The following PTPRT variants were observed in gnomAD, a reference collection of about 807,000 sequenced individuals.
PTPRT encodes receptor-type tyrosine-protein phosphatase T.
In PTPRT, 56 loss-of-function variants were observed where a neutral mutation model predicts 176.8. The observed-to-expected ratio is 0.32, with a 90% CI of 0.26 to 0.40. PTPRT has a LOEUF of 0.40. PTPRT is among the 10% of genes least tolerant of loss of function. The pLI is 1.00. For synonymous variants in PTPRT, 783 were observed against 739.0 expected, an observed-to-expected ratio of 1.06 and a Z score of -0.96; for missense variants, 1,540 against 1,908.2, an observed-to-expected ratio of 0.81 and a Z score of 3.60.
chr20:42,955,855 AGGAGGGAGGGAGGGAG>A, intron 1 of PTPRT, among the ~76,000 whole-genome samples: 1 of 51,226 alleles, frequency 2.0e-5, no homozygotes, highest in African/African-American at 7.5e-5. Flanking sequence ...GGGAGGGAGA[AGGAGGGAGGGAGGGAG>A]GGAGGGAGGA....
intron 1 of PTPRT, among the ~76,000 whole-genome samples, chr20:42,979,338 C>G (rs987071395): frequency 1.3e-5 from 2 of 152,056 alleles, no homozygotes; most frequent in African/African-American, 4.8e-5. Flanking sequence ...TTGTTCTTTA[C>G]CTTTTTTGTA....
intron 7 of PTPRT, among the ~76,000 whole-genome samples, chr20:42,643,603 C>G (rs926675428): frequency 1.3e-5 from 2 of 152,054 alleles, no homozygotes; most frequent in Non-Finnish European, 2.9e-5. Context: ...AGGTGTGAGC[C>G]ACCATGCCCA....
chr20:42,260,285 G>A (rs759958194), intron 13 of PTPRT, among the ~76,000 whole-genome samples: 2 of 152,208 alleles, frequency 1.3e-5, no homozygotes, highest in Non-Finnish European at 2.9e-5. Context: ...GGGCCAGACT[G>A]TCCTGCTGAT....
At chr20:42,478,188 G>A (rs1260633334) in intron 7 of PTPRT, among the ~76,000 whole-genome samples, 1 of 152,188 alleles carries the variant, frequency 6.6e-6, no homozygotes, top group African/African-American at 2.4e-5. Flanking sequence ...GGCCCTTGTG[G>A]GGAGAGATGT....
chr20:42,987,893 C>T (rs895528947), intron 1 of PTPRT, among the ~76,000 whole-genome samples: 2 of 152,196 alleles, frequency 1.3e-5, no homozygotes, highest in Non-Finnish European at 2.9e-5. Context: ...CCTCCATGCT[C>T]ACACATGTGG....
At chr20:42,359,861 C>T (rs34365449) in intron 9 of PTPRT, among the ~76,000 whole-genome samples, 66,235 of 152,122 alleles carry the variant, frequency 0.44, 14,806 homozygotes, top group Middle Eastern at 0.49. Context: ...GCCGTATCAG[C>T]CCTGCTGCGG....
intron 7 of PTPRT, among the ~76,000 whole-genome samples, chr20:42,522,231 A>G (rs2072189785): frequency 6.7e-6 from 1 of 149,886 alleles, no homozygotes; most frequent in South Asian, 2.2e-4. Context: ...TGGTTGTGTG[A>G]ATTTATTCGT....
chr20:42,334,028 C>T lies in PTPRT; in HGVS notation c.1865+16600G>A, dbSNP rs1265473865. On this transcript the variant is annotated intron_variant, in intron 11 of 30. Coordinates refer to ENST00000373187, the MANE Select transcript of PTPRT (RefSeq NM_007050.6). The stretch of plus-strand genomic sequence containing the variant: ...TACAGTAAACATTGATAGACAAAAC[C>T]CACATAAACAAAAGTTCTTTGATGC... Among the ~76,000 whole-genome samples, 4 of 152,208 alleles carry T rather than the reference C, an allele frequency of 2.6e-5. No homozygotes were observed. In the South Asian group the frequency reaches 8.3e-4, roughly 32 times the overall value.
At chr20:42,203,027 A>T (rs1276662982) in intron 15 of PTPRT, among the ~76,000 whole-genome samples, 1 of 152,234 alleles carries the variant, frequency 6.6e-6, no homozygotes, top group Non-Finnish European at 1.5e-5. Flanking sequence ...TAAAAATATC[A>T]GATATATTAC....
chr20:42,878,093 T>C (rs1316374497), intron 2 of PTPRT, among the ~76,000 whole-genome samples: 1 of 152,178 alleles, frequency 6.6e-6, no homozygotes, highest in Non-Finnish European at 1.5e-5. Flanking sequence ...TATATACATA[T>C]GAAAACAAAT....
chr20:43,030,978 G>T (rs1422170187), intron 1 of PTPRT, among the ~76,000 whole-genome samples: 3 of 152,200 alleles, frequency 2.0e-5, no homozygotes, highest in Non-Finnish European at 4.4e-5. Context: ...AGGAGTGAAG[G>T]ATGCAGGATG....
intron 1 of PTPRT, among the ~76,000 whole-genome samples, chr20:43,075,382 C>CG (rs1380734874): frequency 2.6e-5 from 4 of 152,264 alleles, no homozygotes; most frequent in Admixed American, 1.3e-4. Context: ...CTCCGCAGAG[C>CG]GCTGGAATGA....
At chr20:42,088,346 AC>A (rs1984239164) in intron 27 of PTPRT, among the ~76,000 whole-genome samples, 1 of 152,202 alleles carries the variant, frequency 6.6e-6, no homozygotes, top group African/African-American at 2.4e-5. Context: ...CCCACCCCCT[AC>A]AGATGCAGGG....
intron 15 of PTPRT, among the ~76,000 whole-genome samples, chr20:42,208,135 G>T (rs2055521246): frequency 7.9e-6 from 1 of 126,704 alleles, no homozygotes; most frequent in Non-Finnish European, 1.6e-5. Context: ...AAGAGCTCCT[G>T]AAGGAAGCGC....
intron 12 of PTPRT, among the ~76,000 whole-genome samples, chr20:42,309,962 T>C (rs575660999): frequency 6.6e-6 from 1 of 152,292 alleles, no homozygotes; most frequent in South Asian, 2.1e-4. Context: ...TGAGTGCTGG[T>C]GGGTGGTTCT....
At chr20:43,036,069 A>G (rs1986365353) in intron 1 of PTPRT, among the ~76,000 whole-genome samples, 1 of 152,220 alleles carries the variant, frequency 6.6e-6, no homozygotes, top group South Asian at 2.1e-4. Flanking sequence ...ACAAAGGCAA[A>G]TGCAGCTGGA....
chr20:42,056,852 A>G, the PTPRT span, among the ~76,000 whole-genome samples: 14 of 152,234 alleles, frequency 9.2e-5, no homozygotes, highest in Non-Finnish European at 1.9e-4. Flanking sequence ...TGCCTAACAC[A>G]GGAAAGAGCA....
intron 1 of PTPRT, among the ~76,000 whole-genome samples, chr20:42,930,874 C>A (rs985221172): frequency 1.3e-5 from 2 of 152,134 alleles, no homozygotes; most frequent in African/African-American, 4.8e-5. Context: ...TAGCAAGATA[C>A]AGCTGCCAAA....
chr20:43,046,106 A>G (rs1042242950), intron 1 of PTPRT, among the ~76,000 whole-genome samples: 15 of 152,172 alleles, frequency 9.9e-5, no homozygotes, highest in African/African-American at 3.4e-4. Flanking sequence ...TTGCAAGTGC[A>G]AAAGGAAGCC....
Sources: gnomAD v4.1 joint callset for allele counts (sites outside exome capture counted in the v4.1 genomes callset) on GRCh38, gnomAD v4.1.1 for gene constraint, MANE v1.5 for transcripts, NCBI Gene and HGNC (gene_info 2026-07-23, HGNC 2026-07-21) for gene names.